Variants in RPS6KA5 observed in about 807,000 individuals in gnomAD.
RPS6KA5 encodes the protein ribosomal protein S6 kinase A5.
RPS6KA5 carries 27 observed loss-of-function variants against 85.5 expected under a neutral mutation model. The ratio of observed to expected loss-of-function variants is 0.32; its 90% CI spans 0.23 to 0.44. RPS6KA5 has a LOEUF of 0.44. RPS6KA5 is among the 20% of genes least tolerant of loss of function. The pLI is 1.00. For synonymous variants in RPS6KA5, 334 were observed against 348.2 expected, an observed-to-expected ratio of 0.96 and a Z score of 0.46; for missense variants, 811 against 980.9, an observed-to-expected ratio of 0.83 and a Z score of 2.31.
intron 4 of RPS6KA5, among the ~76,000 whole-genome samples, chr14:90,944,398 T>C (rs2037757493): frequency 6.6e-6 from 1 of 152,122 alleles, no homozygotes; most frequent in Non-Finnish European, 1.5e-5. Flanking sequence ...GGAGGGTCAC[T>C]TGAATCTGGG....
intron 2 of RPS6KA5, among the ~76,000 whole-genome samples, chr14:90,996,278 C>A (rs2040517906): frequency 6.7e-6 from 1 of 150,248 alleles, no homozygotes; most frequent in Non-Finnish European, 1.5e-5. Context: ...CTCAACTGAT[C>A]CTCCCACCTC....
At position 90,920,302 on chromosome 14, in the gene RPS6KA5, T is replaced by C. The variant is rs1457216641; in HGVS notation, c.710A>G (p.Asp237Gly). Residue 237 changes from aspartate to glycine, a missense_variant, in exon 7 of 17, where the codon GAC (aspartate) becomes GGC (glycine). By Grantham distance (94) the Asp-to-Gly change is moderately conservative. This residue lies in a region of RPS6KA5 where 650 missense variants were observed against 793.4 expected (regional missense o/e 0.82). Transcript: ENST00000614987. ...GGDSGHDKAV[D>G]WWSLGVLMYE... ...CATTAGAACACCCAAACTCCACCAG[T>C]CAACTGCCTATAAAACAACAATAAT... 1.3e-6 allele frequency: 2 copies of C among 1,592,352 alleles called. No individual in the cohort carries two copies. Among genetic ancestry groups the C allele is most frequent in the Admixed American group, 1.7e-5 (1 of 59,774 alleles).
chr14:91,030,470 G>A (rs188023117), intron 1 of RPS6KA5, among the ~76,000 whole-genome samples: 39 of 151,846 alleles, frequency 2.6e-4, no homozygotes, highest in Admixed American at 9.8e-4. Context: ...TGGAGCTCCC[G>A]GTGAAAAACT....
intron 1 of RPS6KA5, among the ~76,000 whole-genome samples, chr14:91,014,328 C>G (rs1316805852): frequency 1.3e-5 from 2 of 151,884 alleles, no homozygotes. Context: ...CGGTGAAACC[C>G]TGGTCTCTAT....
chr14:90,930,109 C>T (rs186789505), intron 5 of RPS6KA5, among the ~76,000 whole-genome samples: 23 of 152,258 alleles, frequency 1.5e-4, no homozygotes, highest in East Asian at 1.9e-4. Context: ...TGGCCTCAAG[C>T]GATCCTCCTA....
intron 1 of RPS6KA5, among the ~76,000 whole-genome samples, chr14:91,030,624 A>AAAAAAAAAAAAAAAAAAAG (rs2042151163): frequency 7.3e-6 from 1 of 136,300 alleles, no homozygotes; most frequent in Non-Finnish European, 1.6e-5. Context: ...AAAAAAAAAA[A>AAAAAAAAAAAAAAAAAAAG]AAAAAAAAAA....
At chr14:90,948,070 T>C (rs771151544) in intron 3 of RPS6KA5, among the ~76,000 whole-genome samples, 3 of 152,220 alleles carry the variant, frequency 2.0e-5, no homozygotes, top group Non-Finnish European at 4.4e-5. Context: ...ATAGTATAAG[T>C]ATTACAACTT....
At chr14:90,891,397 A>G (rs1595139580) in intron 13 of RPS6KA5, among the ~76,000 whole-genome samples, 1 of 151,966 alleles carries the variant, frequency 6.6e-6, no homozygotes, top group Non-Finnish European at 1.5e-5. Flanking sequence ...TCATCCACCA[A>G]GGCTTCTTGA....
At chr14:91,037,926 G>C (rs964358363) in intron 1 of RPS6KA5, among the ~76,000 whole-genome samples, 1 of 152,206 alleles carries the variant, frequency 6.6e-6, no homozygotes, top group Non-Finnish European at 1.5e-5. Flanking sequence ...TTACGTGCTT[G>C]AGTATTTACT....
At chr14:91,024,665 T>C (rs1313456319) in intron 1 of RPS6KA5, among the ~76,000 whole-genome samples, 1 of 152,204 alleles carries the variant, frequency 6.6e-6, no homozygotes, top group African/African-American at 2.4e-5. Flanking sequence ...ATTTATCTGA[T>C]TCCCCTCTAA....
At position 90,862,487 on chromosome 14, in the gene RPS6KA5, T is replaced by C. The variant is rs56261935; in HGVS notation, c.*9587A>G. 31,253 of 152,080 alleles carry C rather than the reference T, an allele frequency of 0.21. 3,446 individuals carry two copies. The highest frequency in any genetic ancestry group is 0.29 in the Middle Eastern group (101 of 348). The allele number at this position is 152,080 out of a possible 1,614,324, so 9.4% of individuals were successfully genotyped here. A position where few individuals can be genotyped will look rare whatever the true frequency, so the allele number is the denominator to read the frequency against. ...CTTCTTCTTCTTCTTCTTTTTTTAATGCTAGGCTCCTGCTCTGTTGCCCAG... is the reference window on the plus strand; with the variant it reads ...CTTCTTCTTCTTCTTCTTTTTTTAACGCTAGGCTCCTGCTCTGTTGCCCAG... On this transcript the variant is annotated 3_prime_UTR_variant, in exon 17 of 17. Transcript: ENST00000614987.
intron 12 of RPS6KA5, among the ~76,000 whole-genome samples, chr14:90,895,798 G>A (rs569492711): frequency 3.7e-4 from 56 of 152,286 alleles, no homozygotes; most frequent in Non-Finnish European, 6.9e-4. Context: ...GCTGAGGTGG[G>A]AGAATCACTT....
intron 5 of RPS6KA5, among the ~76,000 whole-genome samples, chr14:90,939,333 A>G (rs2037447744): frequency 6.6e-6 from 1 of 152,142 alleles, no homozygotes; most frequent in Admixed American, 6.5e-5. Context: ...GAAGGTCCAA[A>G]CTTTATCACA....
Position 90,858,651 on chromosome 14 carries a change from T to C in RPS6KA5, c.*13423A>G, listed in dbSNP as rs1159372705. ...AAAGGGTTAAGTAGAACATCTTTTATAGGCAACAGGGAGCAAACCAATGCA... is the reference window on the plus strand; with the variant it reads ...AAAGGGTTAAGTAGAACATCTTTTACAGGCAACAGGGAGCAAACCAATGCA... On this transcript the variant is annotated 3_prime_UTR_variant, in exon 17 of 17. Coordinates refer to ENST00000614987, the MANE Select transcript of RPS6KA5 (RefSeq NM_004755.4). 3 of 152,148 alleles carry C rather than the reference T, an allele frequency of 2.0e-5. No homozygotes were observed. Among genetic ancestry groups the C allele is most frequent in the Non-Finnish European group, 2.9e-5 (2 of 68,032 alleles). 9.4% of individuals were successfully genotyped at this position (152,148 alleles called of 1,614,324 possible). A position where few individuals can be genotyped will look rare whatever the true frequency, so the allele number is the denominator to read the frequency against.
chr14:90,928,983 A>G (rs892944337), intron 5 of RPS6KA5, among the ~76,000 whole-genome samples: 1 of 152,112 alleles, frequency 6.6e-6, no homozygotes, highest in Non-Finnish European at 1.5e-5. Context: ...TAAAAAATAC[A>G]TATCATGGAA....
intron 1 of RPS6KA5, among the ~76,000 whole-genome samples, chr14:91,007,479 G>A (rs2041070404): frequency 6.6e-6 from 1 of 152,124 alleles, no homozygotes; most frequent in African/African-American, 2.4e-5. Flanking sequence ...TTGTGAATCA[G>A]CTTAAACCAT....
intron 2 of RPS6KA5, among the ~76,000 whole-genome samples, chr14:90,999,570 C>A (rs1202739618): frequency 6.6e-6 from 1 of 152,150 alleles, no homozygotes; most frequent in Non-Finnish European, 1.5e-5. Flanking sequence ...AGAAAAATGA[C>A]AGAAGCCAGT....
At chr14:91,024,600 A>G (rs2041917649) in intron 1 of RPS6KA5, among the ~76,000 whole-genome samples, 4 of 152,198 alleles carry the variant, frequency 2.6e-5, no homozygotes, top group Non-Finnish European at 5.9e-5. Context: ...GCAAAAATGT[A>G]TAATTTTCTC....
intron 14 of RPS6KA5, among the ~76,000 whole-genome samples, chr14:90,882,279 C>T (rs190048180): frequency 1.3e-5 from 2 of 152,220 alleles, no homozygotes; most frequent in African/African-American, 2.4e-5. Flanking sequence ...ACAGTTCTAC[C>T]CAACTTCTTT....
Sources: gnomAD v4.1 joint callset for allele counts (sites outside exome capture counted in the v4.1 genomes callset) on GRCh38, gnomAD v4.1.1 for gene constraint, gnomAD v4.1.1 regional missense constraint, MANE v1.5 for transcripts, NCBI Gene and HGNC (gene_info 2026-07-23, HGNC 2026-07-21) for gene names.